Variants in SLC1A3 observed in about 807,000 individuals in gnomAD.
SLC1A3 encodes the protein solute carrier family 1 member 3.
Under a neutral mutation model 48.1 loss-of-function variants are expected in SLC1A3, and 21 were observed. That is an observed-to-expected ratio of 0.44 (90% confidence interval 0.31 to 0.63). SLC1A3 has a LOEUF of 0.63. Ranked by LOEUF, SLC1A3 falls within the 20% of genes least tolerant of loss-of-function variation. SLC1A3 has a pLI of 0.08. For synonymous variants in SLC1A3, 239 were observed against 251.4 expected (o/e 0.95, Z 0.47); for missense variants, 546 against 689.0 (o/e 0.79, Z 2.32).
At chr5:36,616,380 A>G (rs1561241476) in intron 2 of SLC1A3, among the ~76,000 whole-genome samples, 2 of 152,232 alleles carry the variant, frequency 1.3e-5, no homozygotes, top group East Asian at 3.8e-4. Flanking sequence ...ACCCTGGATA[A>G]GTTAAGGGAG....
intron 2 of SLC1A3, among the ~76,000 whole-genome samples, chr5:36,623,064 A>C (rs573482594): frequency 2.0e-5 from 3 of 151,988 alleles, no homozygotes; most frequent in Non-Finnish European, 4.4e-5. Flanking sequence ...AAAACAAGGA[A>C]CCTCTGAAGG....
At chr5:36,667,488 A>G (rs534957968) in intron 3 of SLC1A3, among the ~76,000 whole-genome samples, 2 of 152,250 alleles carry the variant, frequency 1.3e-5, no homozygotes, top group Non-Finnish European at 2.9e-5. Context: ...GTATAGCAGT[A>G]AGAATACTCT....
At chr5:36,679,525 G>C (rs1279504557) in intron 6 of SLC1A3, 102 bp from the exon 7 acceptor site, 83 of 837,522 alleles carry the variant, frequency 9.9e-5, no homozygotes, top group Non-Finnish European at 4.2e-6. Flanking sequence ...AGGAAAGTTT[G>C]GCAGTCAACT....
At chr5:36,661,848 G>A (rs1580009382) in intron 3 of SLC1A3, among the ~76,000 whole-genome samples, 1 of 152,218 alleles carries the variant, frequency 6.6e-6, no homozygotes, top group East Asian at 1.9e-4. Context: ...GTCAATTTGA[G>A]AAGCCTTTTG....
chr5:36,675,128 T>C (rs557739059), intron 5 of SLC1A3, among the ~76,000 whole-genome samples: 156 of 152,280 alleles, frequency 1.0e-3, no homozygotes, highest in Middle Eastern at 0.01. Flanking sequence ...CCCAACCTAG[T>C]AGAAGACTGG....
At chr5:36,599,445 C>T (rs1421353359) in intron 1 of SLC1A3, among the ~76,000 whole-genome samples, 8 of 150,158 alleles carry the variant, frequency 5.3e-5, no homozygotes, top group African/African-American at 9.8e-5. Flanking sequence ...TTGCCACCTA[C>T]GTCCCTAGGA....
intron 1 of SLC1A3, among the ~76,000 whole-genome samples, chr5:36,597,434 G>A (rs1199185096): frequency 6.6e-6 from 1 of 151,460 alleles, no homozygotes; most frequent in East Asian, 2.0e-4. Flanking sequence ...AGTAGAGACG[G>A]GGTTTCACCA....
At chr5:36,604,583 A>G (rs1191824088), upstream of SLC1A3, among the ~76,000 whole-genome samples, 1 of 152,124 alleles carries the variant, frequency 6.6e-6, no homozygotes, top group Admixed American at 6.5e-5. Flanking sequence ...AGCCAACAAA[A>G]CTTTCAGTGG....
At chr5:36,607,178 CTG>C (rs1012768085) in intron 1 of SLC1A3, 5 of 152,188 alleles carry the variant, frequency 3.3e-5, no homozygotes, top group African/African-American at 1.2e-4. Context: ...AAAAGGCAAA[CTG>C]TTAAGACAAG....
intron 2 of SLC1A3, among the ~76,000 whole-genome samples, chr5:36,625,239 C>A (rs1005860325): frequency 1.3e-5 from 2 of 152,230 alleles, no homozygotes; most frequent in African/African-American, 4.8e-5. Context: ...AGGCGGATCA[C>A]GTGACGTCAG....
chr5:36,645,225 C>T (rs1367394553), intron 3 of SLC1A3, among the ~76,000 whole-genome samples: 2 of 151,700 alleles, frequency 1.3e-5, no homozygotes, highest in African/African-American at 4.8e-5. Flanking sequence ...GCAAGGAGAG[C>T]CCCTCAAGTT....
upstream of SLC1A3, among the ~76,000 whole-genome samples, chr5:36,604,019 T>A (rs1363777185): frequency 1.3e-5 from 2 of 152,240 alleles, no homozygotes; most frequent in Non-Finnish European, 2.9e-5. Flanking sequence ...CGTAATCTCT[T>A]GTTCTTCAAA....
Position 36,626,769 on chromosome 5 carries a change from C to T in SLC1A3, c.182-2681C>T, listed in dbSNP as rs772609421. 6.6e-5 allele frequency among the ~76,000 whole-genome samples: 10 copies of T among 152,120 alleles called. 1 individual carries two copies. In the South Asian group the frequency reaches 1.7e-3, roughly 25 times the overall value. On this transcript the variant is annotated intron_variant, in intron 2 of 9. Coordinates refer to ENST00000265113, the MANE Select transcript of SLC1A3 (RefSeq NM_004172.5). Reference sequence around the variant, plus strand: ...GCAAGCAGGAAAAAGACAGATATAACCAAAGTATTTTATTAATTCCTATAA... The same window carrying T: ...GCAAGCAGGAAAAAGACAGATATAATCAAAGTATTTTATTAATTCCTATAA...
At position 36,634,315 on chromosome 5, in the gene SLC1A3, G is replaced by A. The variant is rs187391771; in HGVS notation, c.319+4728G>A. 1.9e-3 allele frequency among the ~76,000 whole-genome samples: 230 copies of A among 123,138 alleles called. 5 individuals carry two copies. In the East Asian group the frequency reaches 0.027, roughly 14 times the overall value. The allele number at this position is 123,138 out of a possible 152,430, so 80.8% of individuals were successfully genotyped here. On this transcript the variant is annotated intron_variant, in intron 3 of 9. Transcript: ENST00000265113. ...AAATAAATAAATAAATAAATAAATA[G>A]AGGGGATTAGCAAATGTTAACAAGG...
intron 3 of SLC1A3, chr5:36,669,970 A>C (rs1310242737): frequency 1.3e-5 from 2 of 152,000 alleles, no homozygotes; most frequent in South Asian, 2.1e-4. Context: ...AAAAAAAAAA[A>C]AACTCAATTA....
At chr5:36,636,593 CTTCTTTCT>C (rs1447833755) in intron 3 of SLC1A3, among the ~76,000 whole-genome samples, 1 of 112,526 alleles carries the variant, frequency 8.9e-6, no homozygotes, top group East Asian at 2.5e-4. Context: ...TTCTTCCTTT[CTTCTTTCT>C]TTTTTTTTTT....
Position 36,643,973 on chromosome 5 carries a change from T to C in SLC1A3, c.319+14386T>C, listed in dbSNP as rs1288546256. Among the ~76,000 whole-genome samples, 4 of 151,460 alleles carry C rather than the reference T, an allele frequency of 2.6e-5. No homozygotes were observed. In the East Asian group the frequency reaches 5.8e-4, roughly 22 times the overall value. On this transcript the variant is annotated intron_variant, in intron 3 of 9. Coordinates refer to ENST00000265113, the MANE Select transcript of SLC1A3 (RefSeq NM_004172.5). ...TGGGCCATTGCATTCTGTTAAGCCA[T>C]TGCACTCCAGCCTGGGCAACAGGGC...
At chr5:36,660,378 AC>A (rs930052952) in intron 3 of SLC1A3, among the ~76,000 whole-genome samples, 15 of 152,350 alleles carry the variant, frequency 9.8e-5, no homozygotes, top group South Asian at 6.2e-4. Context: ...TTGAAAAAAA[AC>A]ATTGGAATAT....
chr5:36,673,712 G>A (rs971725389), intron 4 of SLC1A3, among the ~76,000 whole-genome samples: 4 of 152,180 alleles, frequency 2.6e-5, no homozygotes, highest in African/African-American at 9.7e-5. Flanking sequence ...CAATACCTTA[G>A]TTAGCCAGAA....
Sources: allele counts gnomAD v4.1 joint callset (sites outside exome capture counted in the v4.1 genomes callset), GRCh38; gene constraint gnomAD v4.1.1; transcripts MANE v1.5; gene names NCBI Gene and HGNC (gene_info 2026-07-23, HGNC 2026-07-21).